Variants in MLLT10 observed in about 807,000 individuals in gnomAD.
MLLT10 encodes the protein MLLT10 histone lysine methyltransferase DOT1L cofactor.
MLLT10 carries 30 observed loss-of-function variants against 129.1 expected under a neutral mutation model. The observed-to-expected ratio is 0.23, with a 90% confidence interval of 0.17 to 0.32. The LOEUF (loss-of-function observed/expected upper bound fraction) is 0.32. MLLT10 is among the 10% of genes least tolerant of loss of function. The probability of loss-of-function intolerance (pLI) is 1.00; values close to 1 mark genes in which losing one functional copy is unlikely to be tolerated. For synonymous variants in MLLT10, 490 were observed against 446.4 expected (o/e 1.10, Z -1.23); for missense variants, 1,119 against 1,268.3 (o/e 0.88, Z 1.79).
chr10:21,639,678 A>G (rs979203563), intron 8 of MLLT10, among the ~76,000 whole-genome samples: 2 of 152,114 alleles, frequency 1.3e-5, no homozygotes, highest in Admixed American at 1.3e-4. Context: ...ATCGAACACT[A>G]ATAGACTGAG....
chr10:21,662,081 G>T (rs1236250499), intron 9 of MLLT10, among the ~76,000 whole-genome samples: 1 of 151,854 alleles, frequency 6.6e-6, no homozygotes, highest in Non-Finnish European at 1.5e-5. Flanking sequence ...GTTTTCTGAG[G>T]CAAATTCAGA....
chr10:21,739,927 T>C (rs1356680306), intron 21 of MLLT10, 103 bp from the exon 22 acceptor site: 1 of 888,332 alleles, frequency 1.1e-6, no homozygotes, highest in Non-Finnish European at 1.7e-6. Flanking sequence ...TTTCTTTCTT[T>C]GCAAATATCT....
chr10:21,618,522 T>A (rs1465160207), intron 8 of MLLT10, among the ~76,000 whole-genome samples: 1 of 151,814 alleles, frequency 6.6e-6, no homozygotes, highest in Admixed American at 6.6e-5. Context: ...AAAAAAAAAT[T>A]TTTGGTTTGA....
At chr10:21,564,002 C>T (rs1308645495) in intron 3 of MLLT10, among the ~76,000 whole-genome samples, 7 of 151,908 alleles carry the variant, frequency 4.6e-5, no homozygotes, top group Admixed American at 2.0e-4. Context: ...TTAGTAGAGA[C>T]GGGGTTTCAC....
intron 9 of MLLT10, among the ~76,000 whole-genome samples, chr10:21,655,404 G>A (rs192993797): frequency 6.6e-6 from 1 of 152,304 alleles, no homozygotes; most frequent in African/African-American, 2.4e-5. Flanking sequence ...GAACAGAGTA[G>A]CCATAGACAA....
chr10:21,597,854 G>C lies in MLLT10; in HGVS notation c.405+2414G>C, dbSNP rs77653375. On this transcript the variant is annotated intron_variant, in intron 5 of 22. Coordinates refer to ENST00000307729, the MANE Select transcript of MLLT10 (RefSeq NM_001195626.3). ...GCAGGAGTATCACATATGTGATTCT[G>C]TGTTCTTTTTTTTGCATCCTATCAG... Among the ~76,000 whole-genome samples, 51 of 152,306 alleles carry C rather than the reference G, an allele frequency of 3.3e-4. 1 individual carries two copies. The East Asian group carries it at 7.5e-3, about 22-fold the overall frequency.
chr10:21,716,752 C>T (rs952214720), intron 14 of MLLT10, among the ~76,000 whole-genome samples: 5 of 151,544 alleles, frequency 3.3e-5, no homozygotes, highest in South Asian at 2.1e-4. Flanking sequence ...AGAAAACCAT[C>T]ATACTTGCAA....
intron 8 of MLLT10, among the ~76,000 whole-genome samples, chr10:21,651,074 TTTGTTTTG>T (rs2048983579): frequency 6.6e-6 from 1 of 151,870 alleles, no homozygotes; most frequent in South Asian, 2.1e-4. Context: ...TTTGTTTTGT[TTTGTTTTG>T]TTTTGTTGAG....
At chr10:21,674,736 A>G (rs926268751) in intron 11 of MLLT10, among the ~76,000 whole-genome samples, 3 of 152,204 alleles carry the variant, frequency 2.0e-5, no homozygotes, top group African/African-American at 7.2e-5. Flanking sequence ...ATGGTTTTCA[A>G]TAAATGTTGA....
chr10:21,676,675 C>G (rs374650821), intron 11 of MLLT10, among the ~76,000 whole-genome samples: 2 of 123,232 alleles, frequency 1.6e-5, no homozygotes, highest in Non-Finnish European at 3.2e-5. Flanking sequence ...GAGCCGAGAT[C>G]GGGCCACTGC....
intron 3 of MLLT10, chr10:21,556,814 T>G (rs773640088): frequency 1.9e-5 from 29 of 1,566,688 alleles, no homozygotes; most frequent in Non-Finnish European, 2.4e-5. Context: ...AGCAGCTTTC[T>G]TCGGTCCTCA....
intron 14 of MLLT10, among the ~76,000 whole-genome samples, chr10:21,725,266 G>T (rs937603961): frequency 1.3e-5 from 2 of 152,156 alleles, no homozygotes; most frequent in African/African-American, 4.8e-5. Flanking sequence ...TTAGATACCT[G>T]TTGTCTTCCT....
At chr10:21,610,274 A>T (rs1325008093) in intron 5 of MLLT10, among the ~76,000 whole-genome samples, 1 of 152,186 alleles carries the variant, frequency 6.6e-6, no homozygotes, top group Non-Finnish European at 1.5e-5. Flanking sequence ...GGGAGCTACC[A>T]GGTCTGAGTT....
intron 13 of MLLT10, chr10:21,708,602 G>C (rs928737840): frequency 1.0e-6 from 1 of 985,016 alleles, no homozygotes; most frequent in African/African-American, 1.8e-5. Flanking sequence ...CTGAGTACCA[G>C]ATATTGTTTC....
chr10:21,674,726 A>G (rs779038656), intron 11 of MLLT10, among the ~76,000 whole-genome samples: 2 of 152,206 alleles, frequency 1.3e-5, no homozygotes, highest in African/African-American at 2.4e-5. Context: ...TTTAAGATAA[A>G]TGGTTTTCAA....
chr10:21,723,308 T>G lies in MLLT10; in HGVS notation c.1879-2936T>G, dbSNP rs2057261074. 1.3e-5 allele frequency among the ~76,000 whole-genome samples: 2 copies of G among 152,144 alleles called. 1 individual carries two copies. The highest frequency in any genetic ancestry group is 4.1e-4 in the South Asian group (2 of 4,824). The stretch of plus-strand genomic sequence containing the variant: ...CAAGAAAATGCCACCCCTCTGAAAT[T>G]TGAAGCTAATAAGGATAAATATTAA... On this transcript the variant is annotated intron_variant, in intron 14 of 22. Coordinates refer to ENST00000307729, the MANE Select transcript of MLLT10 (RefSeq NM_001195626.3).
chr10:21,660,111 A>G (rs2050014397), intron 9 of MLLT10, among the ~76,000 whole-genome samples: 1 of 151,926 alleles, frequency 6.6e-6, no homozygotes, highest in Non-Finnish European at 1.5e-5. Context: ...CTAGAGGTAC[A>G]CACCACCATG....
Position 21,647,801 on chromosome 10 carries a change from G to A in MLLT10, c.700-3872G>A, listed in dbSNP as rs1035916915. ...AAAATACAGAATTTTTAATTTTACC[G>A]TCTTCCCAGTTTGGTTTTTGTTTTT... On this transcript the variant is annotated intron_variant, in intron 8 of 22. Transcript: ENST00000307729. Among the ~76,000 whole-genome samples, 20 of 151,518 alleles carry A rather than the reference G, an allele frequency of 1.3e-4. No homozygotes were observed. In the East Asian group the frequency reaches 1.9e-3, roughly 15 times the overall value.
chr10:21,742,143 A>C lies in MLLT10; in HGVS notation c.*160A>C. ...AGGACATTCTTGTAAGGCTTTGATT[A>C]GTTTTCTTGTTGCTTTGTTGCACTG... On this transcript the variant is annotated 3_prime_UTR_variant, in exon 23 of 23. Transcript: ENST00000307729. 1.6e-6 allele frequency: 1 copy of C among 629,484 alleles called. No individual in the cohort carries two copies. The highest frequency in any genetic ancestry group is 2.6e-6 in the Non-Finnish European group (1 of 378,134). 39.0% of individuals were successfully genotyped at this position (629,484 alleles called of 1,614,324 possible). A position where few individuals can be genotyped will look rare whatever the true frequency, so the allele number is the denominator to read the frequency against.
Sources: allele counts gnomAD v4.1 joint callset (sites outside exome capture counted in the v4.1 genomes callset), GRCh38; gene constraint gnomAD v4.1.1; transcripts MANE v1.5; gene names NCBI Gene and HGNC (gene_info 2026-07-23, HGNC 2026-07-21).